The following GABRR3 variants were observed in gnomAD, a reference collection of about 807,000 sequenced individuals.
The protein encoded by GABRR3 is gamma-aminobutyric acid type A receptor subunit rho3.
GABRR3 carries 29 observed loss-of-function variants against 43.2 expected under a neutral mutation model. The observed-to-expected ratio is 0.67, with a 90% CI of 0.50 to 0.92. The LOEUF (loss-of-function observed/expected upper bound fraction) is 0.92, where lower values mean the gene tolerates loss of function less well. GABRR3 is among the 40% of genes least tolerant of loss of function. The pLI, the probability that GABRR3 is intolerant of heterozygous loss-of-function variation, is 0.00. For missense variants in GABRR3, 576 were observed against 572.3 expected (o/e 1.01, Z -0.07); for synonymous variants, 206 against 195.9 (o/e 1.05, Z -0.43).
In GABRR3 at chr3:98,008,905, G is replaced by A. The variant is rs551946514; in HGVS notation, c.613+51C>T. The A allele has an allele frequency of 3.0e-6, 3 of 999,204 alleles. No homozygotes were observed. In the African/African-American group the frequency reaches 4.8e-5, roughly 16 times the overall value. The allele number at this position is 999,204 out of a possible 1,614,324, so 61.9% of individuals were successfully genotyped here. A position where few individuals can be genotyped will look rare whatever the true frequency, so the allele number is the denominator to read the frequency against. On this transcript the variant is annotated intron_variant, in intron 6 of 9. Coordinates refer to ENST00000621172, the Ensembl canonical transcript of GABRR3. ...CATGCTTATTTACATGTAAGTATGT[G>A]ATGGTGTGTTCAAATGATGTGCACT...
intron 2 of GABRR3, among the ~76,000 whole-genome samples, chr3:98,032,986 T>A (rs1707109357): frequency 6.6e-6 from 1 of 152,160 alleles, no homozygotes; most frequent in Non-Finnish European, 1.5e-5. Context: ...CTGGGCCTCT[T>A]ACTCTAAAAA....
At chr3:98,018,570 T>G (rs1027266879) in intron 3 of GABRR3, among the ~76,000 whole-genome samples, 1 of 152,182 alleles carries the variant, frequency 6.6e-6, no homozygotes, top group Non-Finnish European at 1.5e-5. Flanking sequence ...CCACTTCCAG[T>G]GTGAGTCGAA....
At chr3:98,020,020 A>G (rs1706919631) in intron 3 of GABRR3, among the ~76,000 whole-genome samples, 1 of 152,178 alleles carries the variant, frequency 6.6e-6, no homozygotes, top group Non-Finnish European at 1.5e-5. Flanking sequence ...CAAAATAACA[A>G]TTCACGAAAA....
chr3:98,015,651 T>A (rs1706864561), intron 4 of GABRR3, among the ~76,000 whole-genome samples: 1 of 152,132 alleles, frequency 6.6e-6, no homozygotes, highest in Non-Finnish European at 1.5e-5. Context: ...CTGAAAGTGG[T>A]GTAGTATTGA....
At position 98,034,869 on chromosome 3, in the gene GABRR3, T is replaced by G; in HGVS notation, c.119A>C (p.Gln40Pro). 6 of 1,612,988 alleles carry G rather than the reference T, an allele frequency of 3.7e-6. No individual in the cohort carries two copies. Among genetic ancestry groups the G allele is most frequent in the Non-Finnish European group, 5.1e-6 (6 of 1,179,190 alleles). ...TGCACTATGAGCATCTTACCAGGTT[T>G]GTTTCATTGAAGAGGAGCACCGCTG... Residue 40 changes from glutamine to proline, a missense_variant, in exon 2 of 10, where the codon CAA becomes CCA. Transcript: ENST00000621172.
intron 3 of GABRR3, among the ~76,000 whole-genome samples, chr3:98,023,689 A>AT (rs1385228691): frequency 6.6e-6 from 1 of 151,706 alleles, no homozygotes; most frequent in Non-Finnish European, 1.5e-5. Flanking sequence ...AGAAGAAAAA[A>AT]AGAGACATAT....
intron 3 of GABRR3, among the ~76,000 whole-genome samples, chr3:98,024,366 C>CA (rs35090836): frequency 0.079 from 3,335 of 41,996 alleles, 247 homozygotes; most frequent in Middle Eastern, 0.13. Context: ...GACTCCGTCT[C>CA]AAAAAAAAAA....
chr3:98,001,942 G>A, intron 7 of GABRR3, 175 bp from the exon 8 acceptor site: 1 of 182,594 alleles, frequency 5.5e-6, no homozygotes, highest in Non-Finnish European at 1.0e-5. Context: ...CAGCTGAACT[G>A]CAGTCTGCTT....
intron 4 of GABRR3, among the ~76,000 whole-genome samples, chr3:98,015,125 C>A (rs1706857613): frequency 6.6e-6 from 1 of 152,156 alleles, no homozygotes; most frequent in Non-Finnish European, 1.5e-5. Context: ...AAACAACAAA[C>A]TAAATCTTTT....
At chr3:98,034,793 C>T in intron 2 of GABRR3, 70 bp downstream of exon 2, 2 of 1,575,908 alleles carry the variant, frequency 1.3e-6, no homozygotes, top group Non-Finnish European at 1.7e-6. Flanking sequence ...TCCAGGTTTC[C>T]TGTAGGTCTG....
intron 9 of GABRR3, among the ~76,000 whole-genome samples, chr3:97,988,573 G>T (rs1335116435): frequency 1.3e-5 from 2 of 152,038 alleles, no homozygotes; most frequent in African/African-American, 2.4e-5. Context: ...GATGGTGGTG[G>T]TAGGTGATGG....
chr3:98,005,701 A>C (rs1706715689), intron 7 of GABRR3, among the ~76,000 whole-genome samples: 1 of 152,178 alleles, frequency 6.6e-6, no homozygotes, highest in African/African-American at 2.4e-5. Flanking sequence ...TTTAGTGGTA[A>C]AGTTAGAATT....
intron 4 of GABRR3, among the ~76,000 whole-genome samples, chr3:98,017,187 A>G (rs1400217570): frequency 6.6e-6 from 1 of 152,198 alleles, no homozygotes; most frequent in Non-Finnish European, 1.5e-5. Context: ...CATGAACTTA[A>G]AAAAATTCTT....
intron 2 of GABRR3, among the ~76,000 whole-genome samples, chr3:98,027,822 G>T (rs1707041914): frequency 6.6e-6 from 1 of 151,966 alleles, no homozygotes; most frequent in Non-Finnish European, 1.5e-5. Flanking sequence ...CTCAAATATT[G>T]ATGATTTCAG....
rs1234661831 is a variant in GABRR3 at position 98,015,186 on chromosome 3, T to G, written c.306+2469A>C. On this transcript the variant is annotated intron_variant, in intron 4 of 9. Transcript: ENST00000621172. ...AAAATAACTTAACTTTTCCCAATCA[T>G]GGAAGAGCTACTCCTTGGTTTTATT... is the stretch of plus-strand genomic sequence containing the variant. 3.3e-5 allele frequency among the ~76,000 whole-genome samples: 5 copies of G among 152,164 alleles called. No homozygotes were observed. The East Asian group carries it at 9.6e-4, about 29-fold the overall frequency.
chr3:97,987,342 G>A (rs1055409804), intron 9 of GABRR3, among the ~76,000 whole-genome samples: 5 of 152,162 alleles, frequency 3.3e-5, no homozygotes, highest in South Asian at 2.1e-4. Flanking sequence ...ACATAAAACT[G>A]GTTTATTTTT....
intron 8 of GABRR3, among the ~76,000 whole-genome samples, chr3:97,994,581 T>C (rs1706512419): frequency 6.6e-6 from 1 of 152,168 alleles, no homozygotes; most frequent in African/African-American, 2.4e-5. Flanking sequence ...TACGTAAACA[T>C]GAAGCAAAGA....
At chr3:98,025,399 T>C (rs1322672501) in intron 3 of GABRR3, among the ~76,000 whole-genome samples, 168 bp downstream of exon 3, 2 of 152,240 alleles carry the variant, frequency 1.3e-5, no homozygotes, top group African/African-American at 2.4e-5. Context: ...CAATTTAAAA[T>C]GGATAACTCA....
At chr3:97,986,811 T>C (rs780417576) in exon 10 of GABRR3, 3 of 1,612,492 alleles carry the variant, frequency 1.9e-6, no homozygotes, top group Non-Finnish European at 1.7e-6. Context: ...CCTAGGGATT[T>C]TCTTCTCTTT....
Sources: gnomAD v4.1 joint callset for allele counts (sites outside exome capture counted in the v4.1 genomes callset) on GRCh38, gnomAD v4.1.1 for gene constraint, MANE v1.5 for transcripts, NCBI Gene and HGNC (gene_info 2026-07-23, HGNC 2026-07-21) for gene names.